Variants in AKT3 observed in about 807,000 individuals in gnomAD.
AKT3 encodes RAC-gamma serine/threonine-protein kinase.
In AKT3, 15 loss-of-function variants were observed where a neutral mutation model predicts 65.3. The observed-to-expected ratio is 0.23, with a 90% CI of 0.15 to 0.35. AKT3 has a LOEUF of 0.35. Ranked by LOEUF, AKT3 falls within the 10% of genes least tolerant of loss-of-function variation. AKT3 has a pLI of 1.00. For missense variants in AKT3, 243 were observed against 576.5 expected (o/e 0.42, Z 5.92); for synonymous variants, 206 against 183.8 (o/e 1.12, Z -0.98).
intron 8 of AKT3, among the ~76,000 whole-genome samples, chr1:243,604,929 T>G (rs1677283522): frequency 6.6e-6 from 1 of 152,208 alleles, no homozygotes; most frequent in African/African-American, 2.4e-5. Context: ...AAACATTCCT[T>G]AGAACGGTAT....
intron 8 of AKT3, among the ~76,000 whole-genome samples, chr1:243,590,457 G>T (rs749917175): frequency 5.9e-5 from 9 of 151,290 alleles, no homozygotes; most frequent in Admixed American, 5.3e-4. Flanking sequence ...TCCAATCAAC[G>T]TTTACTAAAC....
At chr1:243,812,357 G>A (rs1208024980) in intron 2 of AKT3, among the ~76,000 whole-genome samples, 1 of 152,166 alleles carries the variant, frequency 6.6e-6, no homozygotes, top group Admixed American at 6.5e-5. Context: ...CAACAAGTGG[G>A]TGAAGGATAT....
intron 8 of AKT3, chr1:243,612,864 C>A (rs1053797448): frequency 2.9e-4 from 44 of 151,642 alleles, no homozygotes; most frequent in Non-Finnish European, 4.7e-4. Flanking sequence ...CATGGTGAAA[C>A]CCCATCTCTA....
chr1:243,583,143 ATC>A (rs1286813313), intron 8 of AKT3, among the ~76,000 whole-genome samples: 1 of 141,446 alleles, frequency 7.1e-6, no homozygotes. Context: ...CCATATATAT[ATC>A]TCTCTCTTCC....
At position 243,819,894 on chromosome 1, in the gene AKT3, C is replaced by T. The variant is rs115801003; in HGVS notation, c.46+23231G>A. Among the ~76,000 whole-genome samples the T allele has an allele frequency of 6.6e-3, 1,010 of 152,274 alleles. 5 individuals are homozygous for T. The highest frequency in any genetic ancestry group is 0.011 in the Non-Finnish European group (750 of 68,010). ...TCTGGAACGGGCCCCCAGCAAACTG[C>T]AGCAGCCCTACGGGAGAGGGGCCTG... On this transcript the variant is annotated intron_variant, in intron 2 of 13. Coordinates refer to ENST00000673466, the MANE Select transcript of AKT3 (RefSeq NM_005465.7).
At chr1:243,825,308 C>T (rs1055317688) in intron 2 of AKT3, among the ~76,000 whole-genome samples, 1 of 152,096 alleles carries the variant, frequency 6.6e-6, no homozygotes, top group Non-Finnish European at 1.5e-5. Context: ...GGGCTTAATA[C>T]CTAGATGATG....
At chr1:243,694,224 G>A (rs2148020623) in intron 3 of AKT3, among the ~76,000 whole-genome samples, 1 of 152,248 alleles carries the variant, frequency 6.6e-6, no homozygotes, top group Admixed American at 6.5e-5. Context: ...CTGGCTTTAG[G>A]TAGGGCATTT....
At chr1:243,602,093 T>C (rs1202082049) in intron 8 of AKT3, among the ~76,000 whole-genome samples, 1 of 152,232 alleles carries the variant, frequency 6.6e-6, no homozygotes, top group East Asian at 1.9e-4. Flanking sequence ...ATTTTAGATT[T>C]GTAAGCAAGC....
rs932389262 is a variant in AKT3 at position 243,744,738 on chromosome 1, C to CAA, written c.47-49024_47-49023dup. On this transcript the variant is annotated intron_variant, in intron 2 of 13. Coordinates refer to ENST00000673466, the MANE Select transcript of AKT3 (RefSeq NM_005465.7). ...TGGGTGACAGAGCGAGACTCCGTCT[C>CAA]AAAAAAAAAAAAAAAAAAAAAATTA... Among the ~76,000 whole-genome samples, 155 of 52,972 alleles carry CAA rather than the reference C, an allele frequency of 2.9e-3. 3 individuals are homozygous for CAA. The highest frequency in any genetic ancestry group is 0.021 in the South Asian group (34 of 1,592). The allele number at this position is 52,972 out of a possible 152,430, so 34.8% of individuals were successfully genotyped here.
At position 243,808,583 on chromosome 1, in the gene AKT3, G is replaced by A. The variant is rs181329653; in HGVS notation, c.46+34542C>T. 2.6e-5 allele frequency among the ~76,000 whole-genome samples: 4 copies of A among 152,180 alleles called. No homozygotes were observed. In the South Asian group the frequency reaches 8.3e-4, roughly 32 times the overall value. On this transcript the variant is annotated intron_variant, in intron 2 of 13. Transcript: ENST00000673466. ...TGCACCTGAAAGTGACAGGGAGAAT[G>A]GAACCAAGTTGGAAAACACTCTACA...
chr1:243,572,571 T>C (rs952173818), intron 9 of AKT3, among the ~76,000 whole-genome samples: 1 of 152,244 alleles, frequency 6.6e-6, no homozygotes, highest in African/African-American at 2.4e-5. Context: ...AAAATGAATA[T>C]GTTCCTTCCA....
intron 2 of AKT3, among the ~76,000 whole-genome samples, chr1:243,796,889 T>A (rs1692051457): frequency 6.6e-6 from 1 of 152,104 alleles, no homozygotes; most frequent in African/African-American, 2.4e-5. Flanking sequence ...ACACAAATAC[T>A]GTACGATCCA....
At chr1:243,641,847 A>G (rs1360854149) in intron 5 of AKT3, among the ~76,000 whole-genome samples, 1 of 152,068 alleles carries the variant, frequency 6.6e-6, no homozygotes, top group Non-Finnish European at 1.5e-5. Flanking sequence ...GAGTTGGGAG[A>G]ATTACCTGAG....
intron 2 of AKT3, chr1:243,793,541 A>C (rs1188999252): frequency 1.3e-5 from 2 of 152,254 alleles, no homozygotes; most frequent in Non-Finnish European, 2.9e-5. Context: ...TGGGAGGCTG[A>C]AGTGAGAGGA....
At chr1:243,563,355 T>C (rs778311417) in intron 10 of AKT3, among the ~76,000 whole-genome samples, 5 of 152,170 alleles carry the variant, frequency 3.3e-5, no homozygotes, top group Non-Finnish European at 7.3e-5. Context: ...AAAACCACTG[T>C]TGTTTCTAAG....
intron 2 of AKT3, among the ~76,000 whole-genome samples, chr1:243,780,936 G>A (rs1690869099): frequency 6.6e-6 from 1 of 151,592 alleles, no homozygotes; most frequent in South Asian, 2.1e-4. Context: ...TATGCCTAGG[G>A]AAAAAAACAA....
chr1:243,536,785 C>T (rs1671969033), intron 12 of AKT3, among the ~76,000 whole-genome samples: 1 of 152,126 alleles, frequency 6.6e-6, no homozygotes, highest in African/African-American at 2.4e-5. Context: ...AAAGAAGACA[C>T]TAATTGTAAG....
At chr1:243,598,672 G>A (rs1676801493) in intron 8 of AKT3, among the ~76,000 whole-genome samples, 1 of 152,124 alleles carries the variant, frequency 6.6e-6, no homozygotes, top group South Asian at 2.1e-4. Flanking sequence ...TCTCTCATCA[G>A]AGCACAGGAA....
chr1:243,850,743 CTTCCCCGCGCCCCCAAACCAGCGG>C (rs1346813390), upstream of AKT3, among the ~76,000 whole-genome samples: 1 of 151,904 alleles, frequency 6.6e-6, no homozygotes, highest in Non-Finnish European at 1.5e-5. Context: ...CGTCCTCAGG[CTTCCCCGCGCCCCCAAACCAGCGG>C]TGCCCCGCGC....
Sources: allele counts gnomAD v4.1 joint callset (sites outside exome capture counted in the v4.1 genomes callset), GRCh38; gene constraint gnomAD v4.1.1; transcripts MANE v1.5; gene names NCBI Gene and HGNC (gene_info 2026-07-23, HGNC 2026-07-21).